The following PGBD5 variants were observed in gnomAD, a reference collection of about 807,000 sequenced individuals.
The protein encoded by PGBD5 is piggyBac transposable element derived 5, also known as piggyBac transposable element-derived protein 5.
In PGBD5, 14 loss-of-function variants were observed where a neutral mutation model predicts 47.9. The observed-to-expected ratio is 0.29, with a 90% CI of 0.19 to 0.46. The LOEUF (loss-of-function observed/expected upper bound fraction) is 0.46, where lower values mean the gene tolerates loss of function less well. PGBD5 is among the 20% of genes least tolerant of loss of function. The pLI, the probability that PGBD5 is intolerant of heterozygous loss-of-function variation, is 1.00. For synonymous variants in PGBD5, 316 were observed against 306.3 expected, an observed-to-expected ratio of 1.03 and a Z score of -0.33; for missense variants, 635 against 716.0, an observed-to-expected ratio of 0.89 and a Z score of 1.29.
rs150290686 is a variant in PGBD5, at chr1:230,368,097, G to A, written c.332-10776C>T. On this transcript the variant is annotated intron_variant, in intron 1 of 6. Transcript: ENST00000391860. ...TCTGTGGTTGCTTCTGATTTTCCAC[G>A]GATGTGCTCAAGTTCTGACCACACA... 1.3e-3 allele frequency: 1,827 copies of A among 1,367,942 alleles called. 7 individuals carry two copies. Among genetic ancestry groups the A allele is most frequent in the Non-Finnish European group, 1.3e-3 (1,336 of 1,022,020 alleles). 84.7% of individuals were successfully genotyped at this position (1,367,942 alleles called of 1,614,324 possible). A position where few individuals can be genotyped will look rare whatever the true frequency, so the allele number is the denominator to read the frequency against.
chr1:230,388,862 G>C (rs1656716905), intron 1 of PGBD5, among the ~76,000 whole-genome samples: 1 of 152,174 alleles, frequency 6.6e-6, no homozygotes, highest in Non-Finnish European at 1.5e-5. Flanking sequence ...CTAGCACCTT[G>C]GGCTCTGGTT....
chr1:230,350,874 T>G lies in PGBD5; in HGVS notation c.894+84A>C, dbSNP rs566522361. 1.2e-5 allele frequency: 19 copies of G among 1,542,836 alleles called. No homozygotes were observed. The South Asian group carries it at 2.0e-4, about 16-fold the overall frequency. On this transcript the variant is annotated intron_variant, in intron 3 of 6. Coordinates refer to ENST00000391860, the MANE Select transcript of PGBD5 (RefSeq NM_001258311.2). Reference sequence around the variant, plus strand: ...TGAAAAGGGTATGTGAACAAGTTCTTGGGTATCAGATGAGCCCAAGTCGCC... The same window carrying G: ...TGAAAAGGGTATGTGAACAAGTTCTGGGGTATCAGATGAGCCCAAGTCGCC...
rs929807917 is a variant in PGBD5, at chr1:230,323,800, T to C, written c.1380-180A>G. ...GTTAGGTGAGTTCCAGCTGGGGGTT[T>C]TGTCACAGTGAACTTCATTTAAGAC... On this transcript the variant is annotated intron_variant, in intron 6 of 6. Coordinates refer to ENST00000391860, the MANE Select transcript of PGBD5 (RefSeq NM_001258311.2). The surrounding 1 kb of genome is among the most constrained non-coding windows in gnomAD (Gnocchi z 4.1). Among the ~76,000 whole-genome samples the C allele has an allele frequency of 3.3e-5, 5 of 152,124 alleles. No homozygotes were observed. The highest frequency in any genetic ancestry group is 1.2e-4 in the African/African-American group (5 of 41,420).
chr1:230,406,906 G>A (rs192745613), intron 1 of PGBD5, among the ~76,000 whole-genome samples: 31 of 152,246 alleles, frequency 2.0e-4, no homozygotes, highest in African/African-American at 5.1e-4. Context: ...CGCAATCTTC[G>A]CTCACTGCAA....
intron 4 of PGBD5, among the ~76,000 whole-genome samples, chr1:230,334,964 G>C (rs1334577141): frequency 6.6e-6 from 1 of 151,128 alleles, no homozygotes; most frequent in Admixed American, 6.6e-5. Context: ...GATGGCCCGG[G>C]ATAGTCCTCT....
At chr1:230,331,584 T>C (rs747217793) in intron 5 of PGBD5, among the ~76,000 whole-genome samples, 16 of 152,156 alleles carry the variant, frequency 1.1e-4, no homozygotes, top group Non-Finnish European at 2.4e-4. Flanking sequence ...TCCAAGCCTT[T>C]CTTTTCCTTC....
intron 1 of PGBD5, among the ~76,000 whole-genome samples, chr1:230,411,426 A>C (rs529465549): frequency 6.6e-6 from 1 of 152,342 alleles, no homozygotes; most frequent in African/African-American, 2.4e-5. Flanking sequence ...CATGTCAACA[A>C]ATTTGAAAGC....
chr1:230,390,989 C>T (rs552474864), intron 1 of PGBD5, among the ~76,000 whole-genome samples: 2 of 152,266 alleles, frequency 1.3e-5, no homozygotes, highest in South Asian at 4.1e-4. Flanking sequence ...ATCTGCCTGC[C>T]TTGGCCTCCC....
intron 4 of PGBD5, 64 bp downstream of exon 4, chr1:230,337,044 C>G: frequency 6.4e-7 from 1 of 1,559,146 alleles, no homozygotes; most frequent in Non-Finnish European, 8.7e-7. Context: ...CCCACCTGGA[C>G]CTCTCCCACC....
chr1:230,348,862 T>G (rs1162423237), intron 3 of PGBD5, among the ~76,000 whole-genome samples: 1 of 152,202 alleles, frequency 6.6e-6, no homozygotes, highest in Non-Finnish European at 1.5e-5. Flanking sequence ...GGTAATTAAT[T>G]GCCTCCTTGG....
intron 3 of PGBD5, among the ~76,000 whole-genome samples, chr1:230,341,801 T>C (rs1667410817): frequency 6.6e-6 from 1 of 152,240 alleles, no homozygotes; most frequent in Non-Finnish European, 1.5e-5. Flanking sequence ...GCTACAAGAC[T>C]GCTTGACAAG....
chr1:230,409,751 C>T (rs1054769026), intron 1 of PGBD5, among the ~76,000 whole-genome samples: 1 of 151,874 alleles, frequency 6.6e-6, no homozygotes, highest in Admixed American at 6.6e-5. Flanking sequence ...CTAAAAGCCA[C>T]TGAATTGTAC....
In PGBD5 at chr1:230,337,280, G is replaced by A; in HGVS notation, c.903C>T (p.Val301=). 1 of 1,609,928 alleles carries A rather than the reference G, an allele frequency of 6.2e-7. No homozygotes were observed. The highest frequency in any genetic ancestry group is 2.2e-5 in the East Asian group (1 of 44,830). ...CTGGGCCCCCACCTTCCTTCAGGTG[G>A]ACATAAATCTTTAACAGAAACACAC... ...SSTGFIIQIY[V]HLKEGGGPDG... is the part of the protein sequence containing the mutation. The change falls in exon 4 of 7, where the codon GTC becomes GTT. Residue 301 remains valine, a synonymous_variant. Coordinates refer to ENST00000391860, the MANE Select transcript of PGBD5 (RefSeq NM_001258311.2).
At chr1:230,404,229 C>A (rs572709218) in intron 1 of PGBD5, among the ~76,000 whole-genome samples, 1 of 152,210 alleles carries the variant, frequency 6.6e-6, no homozygotes, top group Admixed American at 6.5e-5. Context: ...ACATGCACAC[C>A]AGCTACTCAG....
At chr1:230,384,572 T>C (rs2102728217) in intron 1 of PGBD5, among the ~76,000 whole-genome samples, 1 of 152,254 alleles carries the variant, frequency 6.6e-6, no homozygotes, top group South Asian at 2.1e-4. Context: ...CTCAGTTCCC[T>C]GCGGGAGCAG....
intron 1 of PGBD5, among the ~76,000 whole-genome samples, chr1:230,420,507 G>A (rs1173064630): frequency 6.6e-6 from 1 of 152,144 alleles, no homozygotes; most frequent in Non-Finnish European, 1.5e-5. Context: ...CAAGGGCGGG[G>A]CCAGGTGGAG....
intron 1 of PGBD5, chr1:230,368,279 TGAGGCC>T: frequency 8.5e-7 from 1 of 1,180,024 alleles, no homozygotes; most frequent in South Asian, 1.6e-5. Flanking sequence ...TGTGTGTTGC[TGAGGCC>T]AAGTGGCCCC....
chr1:230,323,203 C>T lies in PGBD5; in HGVS notation c.*222G>A, dbSNP rs969801152. The T allele has an allele frequency of 3.0e-5, 17 of 564,536 alleles. No individual in the cohort carries two copies. Among genetic ancestry groups the T allele is most frequent in the Middle Eastern group, 4.8e-4 (1 of 2,096 alleles). The allele number at this position is 564,536 out of a possible 1,614,324, so 35.0% of individuals were successfully genotyped here. ...TGGGTGTAAGTGCTCATCACACCGG[C>T]GGCACTGTTTCTCGAGGGAGGACAT... On this transcript the variant is annotated 3_prime_UTR_variant, in exon 7 of 7. Coordinates refer to ENST00000391860, the MANE Select transcript of PGBD5 (RefSeq NM_001258311.2). The surrounding 1 kb of genome is among the most constrained non-coding windows in gnomAD (Gnocchi z 4.1).
chr1:230,342,282 T>G (rs1442684233), intron 3 of PGBD5, among the ~76,000 whole-genome samples: 2 of 152,220 alleles, frequency 1.3e-5, no homozygotes, highest in African/African-American at 4.8e-5. Flanking sequence ...TCAGCTATAC[T>G]GGTCTTGACC....
Sources: gnomAD v4.1 joint callset for allele counts (sites outside exome capture counted in the v4.1 genomes callset) on GRCh38, gnomAD v4.1.1 for gene constraint, Gnocchi (gnomAD v3.1) non-coding constraint, MANE v1.5 for transcripts, NCBI Gene and HGNC (gene_info 2026-07-23, HGNC 2026-07-21) for gene names.